Variants in STK32B observed in about 807,000 individuals in gnomAD.
STK32B encodes serine/threonine-protein kinase 32B.
A neutral mutation model predicts 52.6 loss-of-function variants in STK32B; 43 were observed. The observed-to-expected ratio is 0.82, with a 90% CI of 0.64 to 1.05. STK32B has a LOEUF of 1.05. Among genes scored for constraint, STK32B ranks in the 50% least tolerant of loss-of-function variants. The pLI is 0.00. For missense variants in STK32B, 621 were observed against 534.6 expected (o/e 1.16, Z -1.59); for synonymous variants, 238 against 204.3 (o/e 1.17, Z -1.41).
At chr4:5,410,655 C>T (rs1278044404) in intron 5 of STK32B, among the ~76,000 whole-genome samples, 2 of 152,158 alleles carry the variant, frequency 1.3e-5, no homozygotes, top group African/African-American at 4.8e-5. Context: ...TTGATAAACA[C>T]CACGTGGGGT....
At chr4:5,173,827 G>T (rs550221904) in intron 3 of STK32B, among the ~76,000 whole-genome samples, 36 of 152,180 alleles carry the variant, frequency 2.4e-4, no homozygotes, top group Admixed American at 6.5e-4. Context: ...GGTCTCCTTG[G>T]TGCAGTGCTG....
chr4:5,276,797 C>T (rs1211629342), intron 3 of STK32B, among the ~76,000 whole-genome samples: 1 of 152,078 alleles, frequency 6.6e-6, no homozygotes, highest in Non-Finnish European at 1.5e-5. Context: ...CACAGCTGGC[C>T]AACGGTGGGG....
chr4:5,089,817 C>G (rs76963067), intron 1 of STK32B, among the ~76,000 whole-genome samples: 246 of 152,308 alleles, frequency 1.6e-3, no homozygotes, highest in Non-Finnish European at 2.9e-3. Context: ...TGCATTCCCA[C>G]CAACAGTGTA....
intron 3 of STK32B, among the ~76,000 whole-genome samples, chr4:5,214,495 A>G (rs549906886): frequency 6.6e-6 from 1 of 152,146 alleles, no homozygotes; most frequent in South Asian, 2.1e-4. Context: ...AGCATGATTT[A>G]TTGTAGACAT....
intron 1 of STK32B, among the ~76,000 whole-genome samples, chr4:5,113,543 C>T (rs1053231272): frequency 4.6e-5 from 7 of 151,718 alleles, no homozygotes; most frequent in Admixed American, 2.0e-4. Context: ...CAGAGCATAA[C>T]CTAGCCATAC....
chr4:5,254,026 C>T (rs2108836112), intron 3 of STK32B, among the ~76,000 whole-genome samples: 1 of 152,200 alleles, frequency 6.6e-6, no homozygotes, highest in Admixed American at 6.5e-5. Flanking sequence ...ACCTCGTGAT[C>T]CACCCGCCTC....
chr4:5,120,805 T>C (rs540389911), intron 1 of STK32B, among the ~76,000 whole-genome samples: 1 of 151,956 alleles, frequency 6.6e-6, no homozygotes, highest in Non-Finnish European at 1.5e-5. Context: ...ATGAAATATA[T>C]AGAGAAAATA....
intron 2 of STK32B, among the ~76,000 whole-genome samples, chr4:5,163,044 A>G (rs897445820): frequency 6.6e-6 from 1 of 152,212 alleles, no homozygotes; most frequent in Non-Finnish European, 1.5e-5. Flanking sequence ...CATGTGGGAC[A>G]TGATAGACCG....
At chr4:5,435,398 G>T (rs1713969000) in intron 6 of STK32B, among the ~76,000 whole-genome samples, 1 of 152,136 alleles carries the variant, frequency 6.6e-6, no homozygotes, top group Non-Finnish European at 1.5e-5. Flanking sequence ...TCACACACGT[G>T]CCCCAGGGGG....
chr4:5,443,478 T>C (rs940511839), intron 6 of STK32B, among the ~76,000 whole-genome samples: 11 of 152,136 alleles, frequency 7.2e-5, no homozygotes, highest in Admixed American at 6.5e-4. Flanking sequence ...CACTCCTCTG[T>C]ATTGGTTATT....
At chr4:5,429,072 C>A (rs1231923219) in intron 6 of STK32B, among the ~76,000 whole-genome samples, 2 of 152,190 alleles carry the variant, frequency 1.3e-5, no homozygotes, top group African/African-American at 4.8e-5. Context: ...AATGAGACAT[C>A]ATCAAACACA....
Position 5,395,890 on chromosome 4 carries a change from A to C in STK32B, c.435-2317A>C, listed in dbSNP as rs1305368269. Reference sequence around the variant, plus strand: ...TTGGCTCTGTGGGGTCTAGGGACCAAGGTGGCCACATCCGTGCCCCATTCT... The same window carrying C: ...TTGGCTCTGTGGGGTCTAGGGACCACGGTGGCCACATCCGTGCCCCATTCT... On this transcript the variant is annotated intron_variant, in intron 4 of 11. Coordinates refer to ENST00000282908, the MANE Select transcript of STK32B (RefSeq NM_018401.3). This position sits in a 1 kb window ranked among gnomAD's most constrained non-coding sequence, Gnocchi z 4.4. Among the ~76,000 whole-genome samples the C allele has an allele frequency of 6.6e-6, 1 of 152,224 alleles. No homozygotes were observed. The highest frequency in any genetic ancestry group is 2.4e-5 in the African/African-American group (1 of 41,452).
intron 3 of STK32B, among the ~76,000 whole-genome samples, chr4:5,210,292 C>T (rs749301016): frequency 6.6e-6 from 1 of 152,056 alleles, no homozygotes; most frequent in Non-Finnish European, 1.5e-5. Context: ...AGGTCTCTCA[C>T]CCACTGTTCA....
intron 2 of STK32B, among the ~76,000 whole-genome samples, chr4:5,161,882 G>A (rs1718476492): frequency 6.7e-6 from 1 of 149,720 alleles, no homozygotes; most frequent in African/African-American, 2.5e-5. Flanking sequence ...TCTTGCCCCT[G>A]CAAGCATAAC....
Position 5,242,276 on chromosome 4 carries a change from G to C in STK32B, c.260+73826G>C, listed in dbSNP as rs533931384. The stretch of plus-strand genomic sequence containing the variant: ...TTTTTAATGATCGCCATTCTAACTG[G>C]TGTGAGATGGTATCTCATTGTGGTT... On this transcript the variant is annotated intron_variant, in intron 3 of 11. Transcript: ENST00000282908. Among the ~76,000 whole-genome samples, 306 of 152,286 alleles carry C rather than the reference G, an allele frequency of 2.0e-3. 1 individual carries two copies. The highest frequency in any genetic ancestry group is 7.0e-3 in the African/African-American group (291 of 41,548).
upstream of STK32B, among the ~76,000 whole-genome samples, chr4:5,049,383 C>G (rs559669945): frequency 6.6e-6 from 1 of 152,260 alleles, no homozygotes; most frequent in Non-Finnish European, 1.5e-5. Context: ...AAGAGACCAC[C>G]AAACAGGCTT....
At chr4:5,019,461 T>C in the STK32B span, 1 of 1,447,560 alleles carries the variant, frequency 6.9e-7, no homozygotes, top group Non-Finnish European at 9.0e-7. Flanking sequence ...CAGGCGCTGG[T>C]GCAGCCTCGC....
intron 3 of STK32B, among the ~76,000 whole-genome samples, chr4:5,237,447 C>A (rs528324484): frequency 6.6e-6 from 1 of 152,138 alleles, no homozygotes; most frequent in Admixed American, 6.5e-5. Flanking sequence ...TTTTCATACT[C>A]GGGAGATTAA....
chr4:5,385,321 G>C (rs1736178842), intron 4 of STK32B, among the ~76,000 whole-genome samples: 1 of 152,070 alleles, frequency 6.6e-6, no homozygotes, highest in Non-Finnish European at 1.5e-5. Flanking sequence ...GAAGTCAGAT[G>C]GGGGGATGTG....
Sources: allele counts gnomAD v4.1 joint callset (sites outside exome capture counted in the v4.1 genomes callset), GRCh38; gene constraint gnomAD v4.1.1; non-coding constraint Gnocchi (gnomAD v3.1); transcripts MANE v1.5; gene names NCBI Gene and HGNC (gene_info 2026-07-23, HGNC 2026-07-21).